UBE2E2: variants seen among roughly 807,000 people sequenced by gnomAD.
UBE2E2 encodes the protein ubiquitin-conjugating enzyme E2 E2.
In UBE2E2, 6 loss-of-function variants were observed where a neutral mutation model predicts 24.7. The observed-to-expected ratio is 0.24, with a 90% CI of 0.13 to 0.48. The LOEUF is 0.48. Ranked by LOEUF, UBE2E2 falls within the 20% of genes least tolerant of loss-of-function variation. UBE2E2 has a pLI of 0.99. For missense variants in UBE2E2, 169 were observed against 245.0 expected, an observed-to-expected ratio of 0.69 and a Z score of 2.07; for synonymous variants, 104 against 83.6, an observed-to-expected ratio of 1.24 and a Z score of -1.33.
chr3:23,294,663 TTAAA>T (rs1260117683), intron 3 of UBE2E2, among the ~76,000 whole-genome samples: 2 of 146,586 alleles, frequency 1.4e-5, no homozygotes, highest in African/African-American at 2.5e-5. Context: ...ATTTATTATT[TTAAA>T]TAAATATAAT....
At chr3:23,469,550 G>T (rs1296077660) in intron 3 of UBE2E2, among the ~76,000 whole-genome samples, 1 of 152,160 alleles carries the variant, frequency 6.6e-6, no homozygotes, top group Non-Finnish European at 1.5e-5. Flanking sequence ...ATTTTGCCCA[G>T]TAAGAACCTC....
At chr3:23,421,124 G>C (rs1697787015) in intron 3 of UBE2E2, among the ~76,000 whole-genome samples, 1 of 152,220 alleles carries the variant, frequency 6.6e-6, no homozygotes, top group Non-Finnish European at 1.5e-5. Context: ...ATCTTGTAAG[G>C]ATTGTTGTGC....
At chr3:23,273,812 G>A (rs1698313364) in intron 3 of UBE2E2, 1 of 152,406 alleles carries the variant, frequency 6.6e-6, no homozygotes, top group South Asian at 2.1e-4. Flanking sequence ...ACCCAGGCTG[G>A]TTCAAGTGCA....
chr3:23,264,715 T>TC (rs1274239931), intron 3 of UBE2E2, among the ~76,000 whole-genome samples: 1 of 152,230 alleles, frequency 6.6e-6, no homozygotes, highest in Non-Finnish European at 1.5e-5. Context: ...CATTTGCCAG[T>TC]CAATCCTTGG....
At chr3:23,265,351 A>G (rs1021033008) in intron 3 of UBE2E2, among the ~76,000 whole-genome samples, 1 of 152,128 alleles carries the variant, frequency 6.6e-6, no homozygotes, top group African/African-American at 2.4e-5. Flanking sequence ...CCCTCCCCAC[A>G]TGGTAGTGTG....
intron 3 of UBE2E2, among the ~76,000 whole-genome samples, chr3:23,296,713 G>C (rs1259829759): frequency 6.6e-6 from 1 of 152,120 alleles, no homozygotes; most frequent in African/African-American, 2.4e-5. Context: ...TGTCATTGTT[G>C]GACATTTAGG....
intron 3 of UBE2E2, among the ~76,000 whole-genome samples, chr3:23,458,818 G>A (rs1203846643): frequency 6.6e-6 from 1 of 152,082 alleles, no homozygotes; most frequent in Non-Finnish European, 1.5e-5. Flanking sequence ...TGTACTGCTG[G>A]AAAATGGTGC....
intron 3 of UBE2E2, among the ~76,000 whole-genome samples, chr3:23,261,048 A>T (rs2172828): frequency 0.38 from 57,273 of 151,964 alleles, 11,194 homozygotes; most frequent in Admixed American, 0.54. Flanking sequence ...GGTTGCAATG[A>T]GTAGAGATTG....
chr3:23,533,619 A>ATTTTTTTTTTTT (rs759984741), intron 5 of UBE2E2, among the ~76,000 whole-genome samples: 1 of 108,508 alleles, frequency 9.2e-6, no homozygotes, highest in African/African-American at 3.7e-5. Flanking sequence ...GCAAATTAGT[A>ATTTTTTTTTTTT]TTTTTTTTTT....
intron 3 of UBE2E2, among the ~76,000 whole-genome samples, chr3:23,380,842 C>T (rs1192824635): frequency 6.6e-6 from 1 of 152,116 alleles, no homozygotes. Flanking sequence ...GAGATTTAAG[C>T]ACTTTATGTA....
chr3:23,390,860 A>G (rs546740727), intron 3 of UBE2E2, among the ~76,000 whole-genome samples: 3 of 152,330 alleles, frequency 2.0e-5, no homozygotes, highest in East Asian at 3.9e-4. Flanking sequence ...GACAAGAAAC[A>G]TCATTATATC....
intron 3 of UBE2E2, among the ~76,000 whole-genome samples, chr3:23,356,885 T>A (rs571238722): frequency 6.6e-6 from 1 of 152,326 alleles, no homozygotes; most frequent in Admixed American, 6.5e-5. Flanking sequence ...CCAAAAAGGT[T>A]GAGGACCGCT....
intron 3 of UBE2E2, among the ~76,000 whole-genome samples, chr3:23,496,336 T>C (rs1412538475): frequency 6.6e-6 from 1 of 152,104 alleles, no homozygotes; most frequent in African/African-American, 2.4e-5. Flanking sequence ...AGCACCTGAA[T>C]CCACTGCACA....
At chr3:23,403,557 A>G (rs1697281953) in intron 3 of UBE2E2, among the ~76,000 whole-genome samples, 1 of 152,240 alleles carries the variant, frequency 6.6e-6, no homozygotes, top group South Asian at 2.1e-4. Context: ...ACAGTGGCTC[A>G]TGCCTGTAAT....
chr3:23,496,223 T>C (rs1699598271), intron 3 of UBE2E2, among the ~76,000 whole-genome samples: 1 of 152,208 alleles, frequency 6.6e-6, no homozygotes, highest in African/African-American at 2.4e-5. Context: ...TCTCACCATA[T>C]TGGTAGACCT....
intron 3 of UBE2E2, among the ~76,000 whole-genome samples, chr3:23,359,175 C>G (rs1696046338): frequency 6.6e-6 from 1 of 151,976 alleles, no homozygotes; most frequent in South Asian, 2.1e-4. Context: ...AGTTTTTTGT[C>G]TTTGCCTGTG....
At chr3:23,344,527 G>T (rs377014169) in intron 3 of UBE2E2, among the ~76,000 whole-genome samples, 2 of 151,522 alleles carry the variant, frequency 1.3e-5, no homozygotes, top group African/African-American at 4.9e-5. Flanking sequence ...CAGTCTCTCC[G>T]AGTTGCGTCC....
intron 5 of UBE2E2, among the ~76,000 whole-genome samples, chr3:23,540,717 T>TA (rs1028691935): frequency 6.6e-5 from 10 of 152,106 alleles, no homozygotes; most frequent in South Asian, 4.2e-4. Context: ...GACACCTTTT[T>TA]AAAAAAATAG....
intron 3 of UBE2E2, among the ~76,000 whole-genome samples, chr3:23,324,623 T>TA (rs1694835023): frequency 1.3e-5 from 2 of 152,130 alleles, no homozygotes; most frequent in South Asian, 2.1e-4. Context: ...TGAAGAACTA[T>TA]AAAAAAGTTA....
Sources: allele counts gnomAD v4.1 joint callset (sites outside exome capture counted in the v4.1 genomes callset), GRCh38; gene constraint gnomAD v4.1.1; transcripts MANE v1.5; gene names NCBI Gene and HGNC (gene_info 2026-07-23, HGNC 2026-07-21).